The following SYT1 variants were observed in gnomAD, a reference collection of about 807,000 sequenced individuals.
The protein encoded by SYT1 is synaptotagmin-1.
A neutral mutation model predicts 44.8 loss-of-function variants in SYT1; 8 were observed. That is an observed-to-expected ratio of 0.18 (90% CI 0.10 to 0.32). The LOEUF is 0.32. Ranked by LOEUF, SYT1 falls within the 10% of genes least tolerant of loss-of-function variation. The pLI is 1.00. For synonymous variants in SYT1, 154 were observed against 188.8 expected, an observed-to-expected ratio of 0.82 and a Z score of 1.51; for missense variants, 286 against 509.3, an observed-to-expected ratio of 0.56 and a Z score of 4.22.
intron 3 of SYT1, among the ~76,000 whole-genome samples, chr12:79,120,977 GTA>G (rs1166109922): frequency 2.8e-5 from 4 of 144,766 alleles, no homozygotes; most frequent in African/African-American, 5.1e-5. Flanking sequence ...ACACACATTT[GTA>G]TATATATATA....
At chr12:79,336,535 C>T (rs1428402351) in intron 8 of SYT1, among the ~76,000 whole-genome samples, 1 of 151,858 alleles carries the variant, frequency 6.6e-6, no homozygotes, top group Non-Finnish European at 1.5e-5. Context: ...TTTAAGTGTC[C>T]CATTTGCATT....
At chr12:79,138,220 C>A (rs1352093687) in intron 3 of SYT1, among the ~76,000 whole-genome samples, 2 of 152,078 alleles carry the variant, frequency 1.3e-5, no homozygotes, top group African/African-American at 4.8e-5. Context: ...CTAAAATACA[C>A]AGAAAAAACT....
At chr12:79,237,911 T>C (rs926988572) in intron 4 of SYT1, among the ~76,000 whole-genome samples, 1 of 152,192 alleles carries the variant, frequency 6.6e-6, no homozygotes, top group African/African-American at 2.4e-5. Flanking sequence ...CAGGGTTTAA[T>C]AAAGTACATA....
Position 79,240,081 on chromosome 12 carries a change from C to T in SYT1, c.166+22396C>T, listed in dbSNP as rs1477717551. Among the ~76,000 whole-genome samples the T allele has an allele frequency of 3.3e-5, 5 of 152,132 alleles. No individual in the cohort carries two copies. In the South Asian group the frequency reaches 6.2e-4, roughly 19 times the overall value. On this transcript the variant is annotated intron_variant, in intron 4 of 10. Transcript: ENST00000261205. ...CACATAGCACAATCCATTACAGTCACGGATCTTTCCCATACTCAAAGAGAA... is the reference window on the plus strand; with the variant it reads ...CACATAGCACAATCCATTACAGTCATGGATCTTTCCCATACTCAAAGAGAA...
chr12:79,214,157 G>T (rs1318681018), intron 3 of SYT1, among the ~76,000 whole-genome samples: 1 of 152,070 alleles, frequency 6.6e-6, no homozygotes, highest in Admixed American at 6.6e-5. Flanking sequence ...CAGTATATTA[G>T]ATCCTCAATT....
intron 1 of SYT1, among the ~76,000 whole-genome samples, chr12:78,966,963 G>A (rs1353478621): frequency 6.6e-6 from 1 of 151,980 alleles, no homozygotes; most frequent in African/African-American, 2.4e-5. Flanking sequence ...AATACCAGAG[G>A]TATATAAAAT....
At chr12:78,971,196 T>C (rs1460541238) in intron 1 of SYT1, among the ~76,000 whole-genome samples, 2 of 152,152 alleles carry the variant, frequency 1.3e-5, no homozygotes, top group Admixed American at 1.3e-4. Context: ...AAAAATTTTC[T>C]CTCATCATAA....
At chr12:79,026,328 G>C (rs910057782) in intron 2 of SYT1, among the ~76,000 whole-genome samples, 1 of 151,388 alleles carries the variant, frequency 6.6e-6, no homozygotes, top group Non-Finnish European at 1.5e-5. Flanking sequence ...GCATGTCCTA[G>C]TTATAGAAAT....
At chr12:79,319,560 A>G (rs1327489044) in intron 8 of SYT1, among the ~76,000 whole-genome samples, 4 of 152,194 alleles carry the variant, frequency 2.6e-5, no homozygotes, top group Non-Finnish European at 1.5e-5. Context: ...CACTCCACAC[A>G]TGCCCTATAG....
At chr12:79,387,858 C>T (rs979173949) in intron 9 of SYT1, among the ~76,000 whole-genome samples, 15 of 152,188 alleles carry the variant, frequency 9.9e-5, no homozygotes, top group Admixed American at 3.3e-4. Context: ...GTTTTGAAAA[C>T]TTCTATAATA....
chr12:78,928,081 TAGAA>T (rs960145719), intron 1 of SYT1, among the ~76,000 whole-genome samples: 7 of 152,182 alleles, frequency 4.6e-5, no homozygotes, highest in African/African-American at 1.7e-4. Context: ...AGAGATAACT[TAGAA>T]AGACATAATT....
chr12:79,021,319 T>A (rs1195660261), intron 2 of SYT1, among the ~76,000 whole-genome samples: 1 of 151,888 alleles, frequency 6.6e-6, no homozygotes, highest in Non-Finnish European at 1.5e-5. Context: ...ATGAGCCTAG[T>A]AAAATAGGAA....
intron 9 of SYT1, among the ~76,000 whole-genome samples, chr12:79,419,028 T>C (rs923469981): frequency 7.9e-5 from 12 of 152,170 alleles, no homozygotes; most frequent in Non-Finnish European, 1.6e-4. Flanking sequence ...GGGTAGTACC[T>C]TCTTCCCCTA....
intron 5 of SYT1, among the ~76,000 whole-genome samples, chr12:79,288,176 TA>T (rs771089584): frequency 1.3e-5 from 2 of 152,012 alleles, no homozygotes; most frequent in Non-Finnish European, 2.9e-5. Context: ...AGAGGAAGGC[TA>T]AAAAAGCAAA....
chr12:79,312,880 C>G (rs73351093), intron 8 of SYT1, among the ~76,000 whole-genome samples: 4 of 148,990 alleles, frequency 2.7e-5, no homozygotes, highest in African/African-American at 9.9e-5. Context: ...TCATGTGTAA[C>G]TAACTTTGTA....
intron 4 of SYT1, among the ~76,000 whole-genome samples, chr12:79,261,545 C>A (rs1877830696): frequency 1.3e-5 from 2 of 152,122 alleles, no homozygotes; most frequent in African/African-American, 4.8e-5. Context: ...TTAAAGGAAG[C>A]ACAGCAAGTC....
In SYT1 at chr12:79,296,123, A is replaced by G. The variant is rs1879862309; in HGVS notation, c.529A>G (p.Thr177Ala). 1 of 1,613,870 alleles carries G rather than the reference A, an allele frequency of 6.2e-7. No individual in the cohort carries two copies. ...AELPALDMGGTSDPYVKVFLL... is the reference protein window; with the variant it reads ...AELPALDMGGASDPYVKVFLL... ...ACTGCCCGCCTTGGACATGGGGGGC[A>G]CATCTGATCCTTACGTGAAAGTGTT... is the stretch of plus-strand genomic sequence containing the variant. Residue 177 changes from threonine (T) to alanine (A), a missense_variant, in exon 7 of 11, where the codon ACA becomes GCA. Thr to Ala is a moderately conservative substitution (Grantham distance 58). Around this residue, in one of 6 missense-constraint regions of SYT1, gnomAD observed 81 missense variants for 164.9 expected, o/e 0.49. Transcript: ENST00000261205.
At chr12:79,123,632 C>T (rs1868322087) in intron 3 of SYT1, among the ~76,000 whole-genome samples, 1 of 152,066 alleles carries the variant, frequency 6.6e-6, no homozygotes, top group Non-Finnish European at 1.5e-5. Context: ...TGCATAGAAC[C>T]TTATTATACT....
chr12:79,271,944 A>G (rs933372505), intron 4 of SYT1, among the ~76,000 whole-genome samples: 20 of 152,150 alleles, frequency 1.3e-4, no homozygotes, highest in Non-Finnish European at 1.2e-4. Flanking sequence ...ATCTTTTTAT[A>G]CCCATCTAAC....
Sources: allele counts gnomAD v4.1 joint callset (sites outside exome capture counted in the v4.1 genomes callset), GRCh38; gene constraint gnomAD v4.1.1; regional missense constraint gnomAD v4.1.1; transcripts MANE v1.5; gene names NCBI Gene and HGNC (gene_info 2026-07-23, HGNC 2026-07-21).